RYR3: variants seen among roughly 807,000 people sequenced by gnomAD.
The protein encoded by RYR3 is ryanodine receptor 3.
Under a neutral mutation model 584.3 loss-of-function variants are expected in RYR3, and 207 were observed. The ratio of observed to expected loss-of-function variants is 0.35; its 90% CI spans 0.32 to 0.40. RYR3 has a LOEUF of 0.40. Ranked by LOEUF, RYR3 falls within the 10% of genes least tolerant of loss-of-function variation. The pLI is 1.00. For synonymous variants in RYR3, 2,416 were observed against 2,248.5 expected (o/e 1.07, Z -2.11); for missense variants, 5,616 against 6,089.2 (o/e 0.92, Z 2.59).
chr15:33,477,832 G>A (rs1449174651), intron 2 of RYR3, among the ~76,000 whole-genome samples: 1 of 119,710 alleles, frequency 8.4e-6, no homozygotes, highest in Non-Finnish European at 1.6e-5. Flanking sequence ...CGGAGATGGC[G>A]CCACTGCACT....
intron 1 of RYR3, among the ~76,000 whole-genome samples, chr15:33,353,532 A>G (rs1056605506): frequency 6.6e-6 from 1 of 152,190 alleles, no homozygotes; most frequent in African/African-American, 2.4e-5. Flanking sequence ...AAATATGACA[A>G]CTAACCATAC....
At chr15:33,733,119 C>A (rs1411856249) in intron 48 of RYR3, among the ~76,000 whole-genome samples, 2 of 152,224 alleles carry the variant, frequency 1.3e-5, no homozygotes, top group Admixed American at 1.3e-4. Context: ...GGATGTGGAA[C>A]AACAGGAACT....
At chr15:33,431,455 T>C (rs2045138824) in intron 1 of RYR3, among the ~76,000 whole-genome samples, 1 of 152,152 alleles carries the variant, frequency 6.6e-6, no homozygotes, top group Non-Finnish European at 1.5e-5. Flanking sequence ...ATAAACCTAA[T>C]TTCTACTTCT....
intron 57 of RYR3, among the ~76,000 whole-genome samples, chr15:33,751,283 A>C (rs998814755): frequency 1.3e-5 from 2 of 152,234 alleles, no homozygotes. Context: ...TGGTATTTCT[A>C]GTTCTAGATC....
intron 1 of RYR3, among the ~76,000 whole-genome samples, chr15:33,350,869 A>G (rs1463576067): frequency 6.6e-6 from 1 of 152,142 alleles, no homozygotes. Context: ...GCAAGAGCAA[A>G]CACATTCAAA....
At chr15:33,832,674 C>T (rs893425257) in intron 86 of RYR3, among the ~76,000 whole-genome samples, 6 of 149,704 alleles carry the variant, frequency 4.0e-5, no homozygotes, top group African/African-American at 1.2e-4. Context: ...AAAAAAAAAC[C>T]CTACATACGT....
At chr15:33,855,017 T>C (rs1475631277) in intron 98 of RYR3, 105 bp downstream of exon 98, 2 of 1,176,852 alleles carry the variant, frequency 1.7e-6, no homozygotes, top group African/African-American at 3.2e-5. Flanking sequence ...TGTCTTGGTA[T>C]ATAATGTACT....
chr15:33,594,859 G>T (rs2059295808), intron 16 of RYR3, among the ~76,000 whole-genome samples: 1 of 152,190 alleles, frequency 6.6e-6, no homozygotes, highest in Admixed American at 6.5e-5. Context: ...TGACAATTAT[G>T]ATTATTACTG....
intron 16 of RYR3, among the ~76,000 whole-genome samples, chr15:33,594,456 A>C (rs1167251727): frequency 6.6e-6 from 1 of 152,234 alleles, no homozygotes; most frequent in Non-Finnish European, 1.5e-5. Context: ...TAAATAGCTT[A>C]AAGGTTTTCT....
intron 1 of RYR3, among the ~76,000 whole-genome samples, chr15:33,401,032 G>A (rs2042628504): frequency 6.6e-6 from 1 of 152,122 alleles, no homozygotes; most frequent in Non-Finnish European, 1.5e-5. Context: ...ATATTTTCTG[G>A]TTACTGGAAC....
chr15:33,512,981 A>T (rs1238313118), intron 3 of RYR3, among the ~76,000 whole-genome samples: 4 of 152,200 alleles, frequency 2.6e-5, no homozygotes, highest in Admixed American at 1.3e-4. Context: ...ACAGGAGTAG[A>T]GATGGGTTGT....
At chr15:33,598,763 AT>A (rs71415525) in intron 16 of RYR3, among the ~76,000 whole-genome samples, 65,566 of 151,024 alleles carry the variant, frequency 0.43, 14,572 homozygotes, top group East Asian at 0.79. Flanking sequence ...AAAAAAAAAA[AT>A]AGGAGTTGGC....
chr15:33,542,456 T>C (rs2055899208), intron 7 of RYR3, among the ~76,000 whole-genome samples: 2 of 152,142 alleles, frequency 1.3e-5, no homozygotes, highest in Admixed American at 1.3e-4. Flanking sequence ...TAATATATCA[T>C]GAATCATTTT....
intron 57 of RYR3, among the ~76,000 whole-genome samples, chr15:33,753,264 G>A (rs969403362): frequency 6.6e-6 from 1 of 152,162 alleles, no homozygotes; most frequent in Non-Finnish European, 1.5e-5. Flanking sequence ...AAATTACATA[G>A]TAATAATAGC....
chr15:33,500,098 T>C (rs1255438854), intron 2 of RYR3, among the ~76,000 whole-genome samples: 1 of 152,224 alleles, frequency 6.6e-6, no homozygotes, highest in Admixed American at 6.5e-5. Flanking sequence ...TACTATTCTA[T>C]GTACTTGGGA....
intron 70 of RYR3, chr15:33,807,935 A>G (rs922822043): frequency 7.5e-6 from 2 of 265,762 alleles, no homozygotes; most frequent in African/African-American, 4.4e-5. Context: ...TCAGAGTCCT[A>G]TTTTTTATTA....
chr15:33,853,823 G>A (rs1597041058), intron 96 of RYR3, 141 bp downstream of exon 96: 1 of 1,020,084 alleles, frequency 9.8e-7, no homozygotes, highest in East Asian at 2.6e-5. Context: ...TCTAACACTG[G>A]GAGAGCACTG....
rs2069167676 is a variant in RYR3 at position 33,733,843 on chromosome 15, T to A, written c.7424+2149T>A. Among the ~76,000 whole-genome samples, 2 of 152,200 alleles carry A rather than the reference T, an allele frequency of 1.3e-5. 1 individual carries two copies. The highest frequency in any genetic ancestry group is 4.1e-4 in the South Asian group (2 of 4,822). ...GTGCCTGTATGGGGCCAGGGATATA[T>A]GAGAACTCTGAGTACCCTTTGCTCA... On this transcript the variant is annotated intron_variant, in intron 48 of 103. Transcript: ENST00000634891.
intron 1 of RYR3, among the ~76,000 whole-genome samples, chr15:33,363,339 TTAAC>T (rs1975033922): frequency 6.6e-6 from 1 of 152,200 alleles, no homozygotes; most frequent in South Asian, 2.1e-4. Context: ...CTAACATTTG[TTAAC>T]TAATTTTTGT....
Sources: allele counts gnomAD v4.1 joint callset (sites outside exome capture counted in the v4.1 genomes callset), GRCh38; gene constraint gnomAD v4.1.1; transcripts MANE v1.5; gene names NCBI Gene and HGNC (gene_info 2026-07-23, HGNC 2026-07-21).